Variants in SBNO2 observed in about 807,000 individuals in gnomAD.
SBNO2 encodes protein strawberry notch homolog 2.
SBNO2 carries 89 observed loss-of-function variants against 146.3 expected under a neutral mutation model. The observed-to-expected ratio is 0.61, with a 90% confidence interval of 0.51 to 0.73. SBNO2 has a LOEUF of 0.73. Among genes scored for constraint, SBNO2 ranks in the 30% least tolerant of loss-of-function variants. The pLI is 0.00. For missense variants in SBNO2, 2,092 were observed against 2,003.7 expected (o/e 1.04, Z -0.84); for synonymous variants, 1,147 against 892.6 (o/e 1.29, Z -5.08).
chr19:1,166,012 CCAGACCT>C (rs2080416728), intron 1 of SBNO2, among the ~76,000 whole-genome samples: 1 of 140,518 alleles, frequency 7.1e-6, no homozygotes, highest in Non-Finnish European at 1.6e-5. Context: ...ATCCTAGATC[CCAGACCT>C]CAGACCCCAG....
At position 1,108,838 on chromosome 19, in the gene SBNO2, C is replaced by T. The variant is rs770057414; in HGVS notation, c.3557G>A (p.Ser1186Asn). ...CACGATCTGCAGGTAGCTGCTGCTGCTGACGTCGGCCATGACGGCGGCGAT... is the reference window on the plus strand; with the variant it reads ...CACGATCTGCAGGTAGCTGCTGCTGTTGACGTCGGCCATGACGGCGGCGAT... ...GRIAAVMADV[S>N]SSSYLQIVRL... Residue 1186 changes from serine to asparagine, a missense_variant, in exon 31 of 32, where the codon AGC becomes AAC. Transcript: ENST00000361757. 8.7e-5 allele frequency: 140 copies of T among 1,600,554 alleles called. No individual in the cohort carries two copies. The highest frequency in any genetic ancestry group is 1.2e-4 in the Non-Finnish European group (138 of 1,178,546).
In SBNO2 at chr19:1,158,360, C is replaced by A. The variant is rs997746945; in HGVS notation, c.-126-3958G>T. On this transcript the variant is annotated intron_variant, in intron 1 of 31. Transcript: ENST00000361757. The surrounding 1 kb of genome is among the most constrained non-coding windows in gnomAD (Gnocchi z 9.9). ...ACCCCCGCACTTTCGGATGTGGACA[C>A]GGAGGCCCCTAGGTGGAGCCTTGAC... Among the ~76,000 whole-genome samples the A allele has an allele frequency of 1.7e-4, 26 of 152,146 alleles. No individual in the cohort carries two copies. Among genetic ancestry groups the A allele is most frequent in the Non-Finnish European group, 3.7e-4 (25 of 68,032 alleles).
intron 4 of SBNO2, among the ~76,000 whole-genome samples, chr19:1,141,798 T>C (rs1327113046): frequency 6.6e-6 from 1 of 152,024 alleles, no homozygotes; most frequent in Admixed American, 6.6e-5. Context: ...ATTTTTTCTA[T>C]TTTTTATACA....
chr19:1,122,608 C>A, intron 9 of SBNO2, 50 bp from the exon 10 acceptor site: 1 of 1,411,644 alleles, frequency 7.1e-7, no homozygotes, highest in Non-Finnish European at 9.4e-7. Context: ...TCGCCCCCCG[C>A]TTCCGCCCCC....
chr19:1,142,828 G>A (rs1377594385), intron 4 of SBNO2, among the ~76,000 whole-genome samples: 5 of 152,152 alleles, frequency 3.3e-5, no homozygotes, highest in East Asian at 1.9e-4. Flanking sequence ...TTAGCCGGGC[G>A]TGGTGGTGGG....
intron 15 of SBNO2, 69 bp downstream of exon 15, chr19:1,117,254 T>G (rs973556483): frequency 1.8e-5 from 26 of 1,449,250 alleles, no homozygotes; most frequent in Admixed American, 4.7e-5. Flanking sequence ...AGGAAGGACC[T>G]GGAAGAAGAG....
chr19:1,119,274 G>T, intron 13 of SBNO2, 110 bp from the exon 14 acceptor site: 1 of 1,323,294 alleles, frequency 7.6e-7, no homozygotes, highest in Non-Finnish European at 1.0e-6. Flanking sequence ...CAGGAGCAGA[G>T]CCCTGGCGGC....
rs2145178493 is a variant in SBNO2 at position 1,108,356 on chromosome 19, G to A, written c.3965C>T (p.Ser1322Leu). ...FKEVLEDMLR[S>L]LHAGPPSEGA... ...CTCGGAGGGCGGCCCCGCGTGCAGC[G>A]AGCGCAGCATGTCCTCCAGCACCTC... is the stretch of plus-strand genomic sequence containing the variant. Residue 1322 changes from serine to leucine, a missense_variant, in exon 32 of 32, where the codon TCG (serine) becomes TTG (leucine). Coordinates refer to ENST00000361757, the MANE Select transcript of SBNO2 (RefSeq NM_014963.3). 1.1e-5 allele frequency: 14 copies of A among 1,297,148 alleles called. No homozygotes were observed. The East Asian group carries it at 1.2e-4, about 11-fold the overall frequency. 80.4% of individuals were successfully genotyped at this position (1,297,148 alleles called of 1,614,324 possible). A position where few individuals can be genotyped will look rare whatever the true frequency, so the allele number is the denominator to read the frequency against.
At chr19:1,134,394 C>T (rs116647474) in intron 4 of SBNO2, among the ~76,000 whole-genome samples, 45 of 152,010 alleles carry the variant, frequency 3.0e-4, no homozygotes, top group African/African-American at 9.9e-4. Context: ...GCTCCTGCAG[C>T]GCAGTCACCA....
rs566873442 is a variant in SBNO2 at position 1,127,531 on chromosome 19, G to A, written c.441+73C>T. 267 of 1,424,400 alleles carry A rather than the reference G, an allele frequency of 1.9e-4. 2 individuals carry two copies. The South Asian group carries it at 2.2e-3, about 12-fold the overall frequency. The allele number at this position is 1,424,400 out of a possible 1,614,324, so 88.2% of individuals were successfully genotyped here. A position where few individuals can be genotyped will look rare whatever the true frequency, so the allele number is the denominator to read the frequency against. Reference sequence around the variant, plus strand: ...AGTGGGGGAGACTGAGACCTCACTGGACCGTGTGGGTCCCGGGCTGGGGAG... The same window carrying A: ...AGTGGGGGAGACTGAGACCTCACTGAACCGTGTGGGTCCCGGGCTGGGGAG... On this transcript the variant is annotated intron_variant, in intron 5 of 31. Coordinates refer to ENST00000361757, the MANE Select transcript of SBNO2 (RefSeq NM_014963.3).
rs143162130 is a variant in SBNO2 at position 1,115,183 on chromosome 19, G to A, written c.1886-761C>T. 3.3e-3 allele frequency among the ~76,000 whole-genome samples: 505 copies of A among 152,186 alleles called. 4 individuals carry two copies. The highest frequency in any genetic ancestry group is 0.011 in the African/African-American group (474 of 41,514). On this transcript the variant is annotated intron_variant, in intron 17 of 31. Transcript: ENST00000361757. ...GGCCTCAGGTGATTTGCCCGCCTCA[G>A]CCTTCCAAAGTGCTGGGATTACAAC...
chr19:1,132,355 G>A (rs1309800838), intron 4 of SBNO2: 2 of 1,217,586 alleles, frequency 1.6e-6, no homozygotes, highest in Non-Finnish European at 2.1e-6. Flanking sequence ...CCGTAAGTCA[G>A]GGCAATTACC....
At chr19:1,132,030 G>C in intron 4 of SBNO2, 1 of 1,341,050 alleles carries the variant, frequency 7.5e-7, no homozygotes, top group Non-Finnish European at 1.0e-6. Flanking sequence ...CCTGAATGGG[G>C]TCCCACCTCC....
Position 1,108,163 on chromosome 19 carries a change from T to A in SBNO2, c.*57A>T. 6.8e-7 allele frequency: 1 copy of A among 1,466,682 alleles called. No individual in the cohort carries two copies. Among genetic ancestry groups the A allele is most frequent in the East Asian group, 3.0e-5 (1 of 33,060 alleles). The allele number at this position is 1,466,682 out of a possible 1,614,324, so 90.9% of individuals were successfully genotyped here. A position where few individuals can be genotyped will look rare whatever the true frequency, so the allele number is the denominator to read the frequency against. ...GGACCTTGGCCCTGCTCCCCACCGC[T>A]GCTCCTAGGGGAGAAACGGTCCCTG... On this transcript the variant is annotated 3_prime_UTR_variant, in exon 32 of 32. Transcript: ENST00000361757.
chr19:1,119,712 G>T, intron 12 of SBNO2, 91 bp from the exon 13 acceptor site: 1 of 1,170,522 alleles, frequency 8.5e-7, no homozygotes, highest in Non-Finnish European at 1.2e-6. Flanking sequence ...CCGACGAGGG[G>T]CCCTGCGGGG....
At position 1,116,174 on chromosome 19, in the gene SBNO2, G is replaced by A. The variant is rs1172948645; in HGVS notation, c.1803-71C>T. On this transcript the variant is annotated intron_variant, in intron 16 of 31. Transcript: ENST00000361757. ...CAGGCGGGGTTGCTCTCCAGGAGCT[G>A]GACGCACCCCTGGGTCCCTGTGGGG... The A allele has an allele frequency of 1.5e-5, 21 of 1,431,192 alleles. No homozygotes were observed. In the East Asian group the frequency reaches 3.9e-4, roughly 27 times the overall value. The allele number at this position is 1,431,192 out of a possible 1,614,324, so 88.7% of individuals were successfully genotyped here. A position where few individuals can be genotyped will look rare whatever the true frequency, so the allele number is the denominator to read the frequency against.
At chr19:1,143,881 T>C (rs1205515991) in intron 4 of SBNO2, among the ~76,000 whole-genome samples, 1 of 152,140 alleles carries the variant, frequency 6.6e-6, no homozygotes, top group African/African-American at 2.4e-5. Context: ...CTCAGTCCCA[T>C]CTGCAGGTCC....
At chr19:1,128,054 G>C in intron 4 of SBNO2, 1 of 541,228 alleles carries the variant, frequency 1.8e-6, no homozygotes, top group South Asian at 1.9e-5. Flanking sequence ...GACCTCAAGT[G>C]ATCTGCCTGC....
chr19:1,128,074 CA>C, intron 4 of SBNO2: 1 of 523,398 alleles, frequency 1.9e-6, no homozygotes, highest in East Asian at 4.1e-5. Context: ...CTTCGGCATC[CA>C]AAAGTGTTGG....
Sources: allele counts gnomAD v4.1 joint callset (sites outside exome capture counted in the v4.1 genomes callset), GRCh38; gene constraint gnomAD v4.1.1; non-coding constraint Gnocchi (gnomAD v3.1); transcripts MANE v1.5; gene names NCBI Gene and HGNC (gene_info 2026-07-23, HGNC 2026-07-21).